The following ATXN10 variants were observed in gnomAD, a reference collection of about 807,000 sequenced individuals.
ATXN10 encodes ataxin 10.
In ATXN10, 28 loss-of-function variants were observed where a neutral mutation model predicts 52.9. The ratio of observed to expected loss-of-function variants is 0.53; its 90% CI spans 0.39 to 0.73. The LOEUF (loss-of-function observed/expected upper bound fraction) is 0.73. Among genes scored for constraint, ATXN10 ranks in the 30% least tolerant of loss-of-function variants. ATXN10 has a pLI of 0.00. For synonymous variants in ATXN10, 226 were observed against 221.5 expected (o/e 1.02, Z -0.18); for missense variants, 565 against 577.0 (o/e 0.98, Z 0.21).
In ATXN10 at chr22:45,671,952, AG is replaced by A; in HGVS notation, c.-110del. ...GCGGCGGTTAGGGCTGTGTAGGGCG[AG>A]GCCTCCCCCTTCCTCCTCGCCATCC... On this transcript the variant is annotated 5_prime_UTR_variant, in exon 1 of 12. Transcript: ENST00000252934. 1.6e-6 allele frequency: 2 copies of A among 1,234,920 alleles called. No homozygotes were observed. Among genetic ancestry groups the A allele is most frequent in the Middle Eastern group, 2.1e-4 (1 of 4,874 alleles). 76.5% of individuals were successfully genotyped at this position (1,234,920 alleles called of 1,614,324 possible). A position where few individuals can be genotyped will look rare whatever the true frequency, so the allele number is the denominator to read the frequency against.
Position 45,757,609 on chromosome 22 carries a change from GAAAA to G in ATXN10, c.1173+17079_1173+17082del. Among the ~76,000 whole-genome samples the G allele has an allele frequency of 2.8e-5, 4 of 144,220 alleles. No homozygotes were observed. In the Middle Eastern group the frequency reaches 0.011, roughly 384 times the overall value. The allele number at this position is 144,220 out of a possible 152,430, so 94.6% of individuals were successfully genotyped here. On this transcript the variant is annotated intron_variant, in intron 9 of 11. Transcript: ENST00000252934. The surrounding 1 kb of genome is among the most constrained non-coding windows in gnomAD (Gnocchi z 4.6). ...TGAAAAATCATTTCTAGCCATTTTA[GAAAA>G]AAAAAAACATTAGTACAGTATTAGT...
intron 10 of ATXN10, among the ~76,000 whole-genome samples, chr22:45,821,536 A>G (rs867207130): frequency 1.3e-5 from 2 of 152,304 alleles, no homozygotes; most frequent in South Asian, 2.1e-4. Flanking sequence ...ACTGCACATC[A>G]TGGTGACATT....
intron 3 of ATXN10, among the ~76,000 whole-genome samples, chr22:45,694,856 G>A (rs1050944602): frequency 2.7e-5 from 4 of 145,968 alleles, no homozygotes; most frequent in African/African-American, 1.0e-4. Context: ...TAGGAAGATT[G>A]CTTGAGCCTG....
rs562886481 is a variant in ATXN10, at chr22:45,683,604, ATATCT to A, written c.117-6104_117-6100del. On this transcript the variant is annotated intron_variant, in intron 1 of 11. Coordinates refer to ENST00000252934, the MANE Select transcript of ATXN10 (RefSeq NM_013236.4). This position sits in a 1 kb window ranked among gnomAD's most constrained non-coding sequence, Gnocchi z 4.8. Reference sequence around the variant, plus strand: ...CTACTTTTAAAATAAGGTTTAAATAATATCTTATGTACAAAATCTTTCTCTAAGCA... The same window carrying A: ...CTACTTTTAAAATAAGGTTTAAATAATATGTACAAAATCTTTCTCTAAGCA... Among the ~76,000 whole-genome samples the A allele has an allele frequency of 2.4e-3, 371 of 152,312 alleles. 2 individuals are homozygous for A. Among genetic ancestry groups the A allele is most frequent in the South Asian group, 5.8e-3 (28 of 4,822 alleles).
In ATXN10 at chr22:45,736,601, G is replaced by A. The variant is rs568041840; in HGVS notation, c.895-2130G>A. 5.3e-5 allele frequency among the ~76,000 whole-genome samples: 8 copies of A among 152,118 alleles called. No individual in the cohort carries two copies. In the East Asian group the frequency reaches 7.7e-4, roughly 15 times the overall value. On this transcript the variant is annotated intron_variant, in intron 7 of 11. Transcript: ENST00000252934. The stretch of plus-strand genomic sequence containing the variant: ...TGCTACTTATTTGTTGGAGAAACTG[G>A]GTTGTTTTTCCTGTAGACTTTTCTA...
At chr22:45,697,700 G>A (rs1431263223) in intron 3 of ATXN10, among the ~76,000 whole-genome samples, 3 of 152,104 alleles carry the variant, frequency 2.0e-5, no homozygotes, top group Admixed American at 6.5e-5. Context: ...GGCGATCTCG[G>A]CTCACTGCAG....
In ATXN10 at chr22:45,718,739, T is replaced by G. The variant is rs896557062; in HGVS notation, c.728+246T>G. On this transcript the variant is annotated intron_variant, in intron 6 of 11. Coordinates refer to ENST00000252934, the MANE Select transcript of ATXN10 (RefSeq NM_013236.4). This position sits in a 1 kb window ranked among gnomAD's most constrained non-coding sequence, Gnocchi z 4.4. Reference sequence around the variant, plus strand: ...AGTAAATGCATATTAAGAAAAACATTAAGAACAAAATATTATGCATATGCC... The same window carrying G: ...AGTAAATGCATATTAAGAAAAACATGAAGAACAAAATATTATGCATATGCC... Among the ~76,000 whole-genome samples the G allele has an allele frequency of 4.6e-5, 7 of 152,216 alleles. No individual in the cohort carries two copies. The South Asian group carries it at 1.2e-3, about 27-fold the overall frequency.
intron 1 of ATXN10, among the ~76,000 whole-genome samples, chr22:45,689,281 A>AT (rs1322069995): frequency 2.6e-5 from 4 of 152,200 alleles, no homozygotes; most frequent in African/African-American, 4.8e-5. Flanking sequence ...CTCTGTTCTG[A>AT]TTCAGGGTAG....
chr22:45,803,741 G>A (rs1351394140), intron 9 of ATXN10, among the ~76,000 whole-genome samples: 1 of 152,088 alleles, frequency 6.6e-6, no homozygotes, highest in Non-Finnish European at 1.5e-5. Context: ...TTACGTACAG[G>A]ATGCGTACGT....
intron 9 of ATXN10, among the ~76,000 whole-genome samples, chr22:45,745,860 CT>C (rs905879220): frequency 6.6e-6 from 1 of 152,126 alleles, no homozygotes; most frequent in African/African-American, 2.4e-5. Flanking sequence ...TAAGACAGTT[CT>C]TTTCAAGGAG....
At chr22:45,704,124 G>A (rs1172873470) in intron 5 of ATXN10, 2 of 91,496 alleles carry the variant, frequency 2.2e-5, no homozygotes. Context: ...TCTGTTCAGT[G>A]CTTTTTTTTT....
chr22:45,824,134 T>C lies in ATXN10; in HGVS notation c.1237+17112T>C, dbSNP rs1928743537. Among the ~76,000 whole-genome samples, 1 of 152,112 alleles carries C rather than the reference T, an allele frequency of 6.6e-6. No homozygotes were observed. Among genetic ancestry groups the C allele is most frequent in the Admixed American group, 6.5e-5 (1 of 15,270 alleles). ...CTTCCCCACGCTCTTACCTGCTGAG[T>C]GTAGTCAGCCCGTCCTGTTTTCCCT... On this transcript the variant is annotated intron_variant, in intron 10 of 11. Transcript: ENST00000252934. This position sits in a 1 kb window ranked among gnomAD's most constrained non-coding sequence, Gnocchi z 5.2.
chr22:45,683,454 G>A lies in ATXN10; in HGVS notation c.117-6258G>A, dbSNP rs1923010328. Among the ~76,000 whole-genome samples the A allele has an allele frequency of 6.6e-6, 1 of 152,126 alleles. No homozygotes were observed. Among genetic ancestry groups the A allele is most frequent in the Non-Finnish European group, 1.5e-5 (1 of 68,036 alleles). On this transcript the variant is annotated intron_variant, in intron 1 of 11. Coordinates refer to ENST00000252934, the MANE Select transcript of ATXN10 (RefSeq NM_013236.4). The surrounding 1 kb of genome is among the most constrained non-coding windows in gnomAD (Gnocchi z 4.8). The stretch of plus-strand genomic sequence containing the variant: ...GTCGCACTTCTCTTTTCTCACTGGG[G>A]TTCATTGAAGCCAGCCCTGACTTCC...
At chr22:45,798,693 A>G (rs1318392508) in intron 9 of ATXN10, among the ~76,000 whole-genome samples, 2 of 152,202 alleles carry the variant, frequency 1.3e-5, no homozygotes, top group Admixed American at 1.3e-4. Flanking sequence ...GCCAAGAAAA[A>G]TCAGATGCAT....
chr22:45,773,082 A>G (rs1206739075), intron 9 of ATXN10, among the ~76,000 whole-genome samples: 1 of 152,224 alleles, frequency 6.6e-6, no homozygotes, highest in Non-Finnish European at 1.5e-5. Flanking sequence ...CTGACTGTGT[A>G]TAACATGTGG....
rs557202085 is a variant in ATXN10 at position 45,679,629 on chromosome 22, G to C, written c.116+7450G>C. The C allele has an allele frequency of 1.4e-4, 22 of 152,338 alleles. No individual in the cohort carries two copies. In the South Asian group the frequency reaches 1.7e-3, roughly 11 times the overall value. The allele number at this position is 152,338 out of a possible 1,614,324, so 9.4% of individuals were successfully genotyped here. ...ACCCAAAAAACAAAAACCCACACGA[G>C]TCGTCAGCTTGGCTGAGGACGCCAT... On this transcript the variant is annotated intron_variant, in intron 1 of 11. Coordinates refer to ENST00000252934, the MANE Select transcript of ATXN10 (RefSeq NM_013236.4).
rs867628786 is a variant in ATXN10, at chr22:45,825,876, C to T, written c.1238-17115C>T. Among the ~76,000 whole-genome samples the T allele has an allele frequency of 2.0e-5, 3 of 152,124 alleles. No individual in the cohort carries two copies. Among genetic ancestry groups the T allele is most frequent in the Non-Finnish European group, 2.9e-5 (2 of 68,020 alleles). On this transcript the variant is annotated intron_variant, in intron 10 of 11. Transcript: ENST00000252934. The surrounding 1 kb of genome is among the most constrained non-coding windows in gnomAD (Gnocchi z 4.5). Reference sequence around the variant, plus strand: ...CTTGAGCTCAGGAGTTTGAGACCAGCCTGGTAACATGGCAAAACCCCATCT... The same window carrying T: ...CTTGAGCTCAGGAGTTTGAGACCAGTCTGGTAACATGGCAAAACCCCATCT...
rs1359599624 is a variant in ATXN10, at chr22:45,728,278, A to C, written c.729-1147A>C. Among the ~76,000 whole-genome samples the C allele has an allele frequency of 1.3e-5, 2 of 152,162 alleles. No individual in the cohort carries two copies. The highest frequency in any genetic ancestry group is 4.8e-5 in the African/African-American group (2 of 41,454). On this transcript the variant is annotated intron_variant, in intron 6 of 11. Transcript: ENST00000252934. This position sits in a 1 kb window ranked among gnomAD's most constrained non-coding sequence, Gnocchi z 4.3. ...ACTTTTAGCCTCAATTTATTTTTAA[A>C]GATTATATATAAATAAGGGAAAACA...
At chr22:45,796,288 G>A (rs547284830) in intron 9 of ATXN10, among the ~76,000 whole-genome samples, 1 of 152,318 alleles carries the variant, frequency 6.6e-6, no homozygotes, top group Admixed American at 6.5e-5. Context: ...CCGGTTGACT[G>A]CTCTCGAACC....
Sources: gnomAD v4.1 joint callset for allele counts (sites outside exome capture counted in the v4.1 genomes callset) on GRCh38, gnomAD v4.1.1 for gene constraint, Gnocchi (gnomAD v3.1) non-coding constraint, MANE v1.5 for transcripts, NCBI Gene and HGNC (gene_info 2026-07-23, HGNC 2026-07-21) for gene names.